TRMT9B: variants seen among roughly 807,000 people sequenced by gnomAD.
TRMT9B encodes the protein tRNA methyltransferase 9B (putative), also known as probable tRNA methyltransferase 9B.
TRMT9B carries 16 observed loss-of-function variants against 11.5 expected under a neutral mutation model. The ratio of observed to expected loss-of-function variants is 1.39; its 90% confidence interval spans 0.94 to 2.11. TRMT9B has a LOEUF of 2.11. TRMT9B is among the 30% of genes most tolerant of loss of function. The pLI, the probability that TRMT9B is intolerant of heterozygous loss-of-function variation, is 0.00. For missense variants in TRMT9B, 941 were observed against 553.8 expected, an observed-to-expected ratio of 1.70 and a Z score of -7.02; for synonymous variants, 274 against 192.4, an observed-to-expected ratio of 1.42 and a Z score of -3.51.
intron 2 of TRMT9B, among the ~76,000 whole-genome samples, chr8:13,003,080 G>A (rs1809766183): frequency 6.6e-6 from 1 of 152,142 alleles, no homozygotes; most frequent in Admixed American, 6.5e-5. Context: ...TGGGGACTCA[G>A]TATTAAATAA....
intron 1 of TRMT9B, among the ~76,000 whole-genome samples, chr8:12,984,116 T>C (rs1379797217): frequency 6.6e-6 from 1 of 152,166 alleles, no homozygotes; most frequent in Non-Finnish European, 1.5e-5. Flanking sequence ...TACACAAACT[T>C]TGCTTCATGC....
chr8:12,949,236 C>T (rs191590719), intron 1 of TRMT9B, among the ~76,000 whole-genome samples: 6 of 151,712 alleles, frequency 4.0e-5, no homozygotes, highest in Middle Eastern at 3.4e-3. Context: ...TTATGACTAC[C>T]GAGAGTAAAA....
At chr8:12,970,228 A>T (rs183109738) in intron 1 of TRMT9B, 13 of 152,332 alleles carry the variant, frequency 8.5e-5, no homozygotes, top group Middle Eastern at 3.4e-3. Context: ...GCTTGTAGAC[A>T]TCTGTTGTTA....
chr8:13,006,558 G>T, intron 3 of TRMT9B: 1 of 1,424,484 alleles, frequency 7.0e-7, no homozygotes. Flanking sequence ...TGTTCTAATA[G>T]GAATCCTGAA....
chr8:13,013,655 A>G (rs1262602061), intron 4 of TRMT9B, among the ~76,000 whole-genome samples: 1 of 152,212 alleles, frequency 6.6e-6, no homozygotes, highest in East Asian at 1.9e-4. Context: ...ATACACTCTT[A>G]AAAATCAACC....
chr8:12,995,761 A>C (rs2030430), intron 2 of TRMT9B, among the ~76,000 whole-genome samples: 1 of 151,986 alleles, frequency 6.6e-6, no homozygotes, highest in Admixed American at 6.6e-5. Context: ...TACCAATTAG[A>C]CCCAAGTCAT....
At chr8:13,018,974 T>C (rs746433729) in intron 4 of TRMT9B, among the ~76,000 whole-genome samples, 2 of 151,624 alleles carry the variant, frequency 1.3e-5, no homozygotes, top group African/African-American at 4.9e-5. Context: ...AGTATTAGAG[T>C]TGAAATAAGA....
intron 1 of TRMT9B, among the ~76,000 whole-genome samples, chr8:12,982,380 G>C (rs777943458): frequency 6.6e-6 from 1 of 152,138 alleles, no homozygotes; most frequent in Non-Finnish European, 1.5e-5. Flanking sequence ...ACATAATCAG[G>C]GTCAGACACG....
chr8:13,018,558 C>G (rs1813236979), intron 4 of TRMT9B, among the ~76,000 whole-genome samples: 1 of 152,022 alleles, frequency 6.6e-6, no homozygotes, highest in African/African-American at 2.4e-5. Context: ...AGTCAATTAT[C>G]ATTATCTACA....
chr8:12,973,889 G>C (rs576020465), intron 1 of TRMT9B, among the ~76,000 whole-genome samples: 1 of 152,310 alleles, frequency 6.6e-6, no homozygotes, highest in East Asian at 1.9e-4. Flanking sequence ...GCCATATGCG[G>C]TGGCTCATAC....
chr8:12,965,245 G>A (rs1401347737), intron 1 of TRMT9B, among the ~76,000 whole-genome samples: 5 of 152,220 alleles, frequency 3.3e-5, no homozygotes, highest in Non-Finnish European at 7.3e-5. Flanking sequence ...ATTGGTTTTT[G>A]TAGGTATTAA....
chr8:13,000,368 CTT>C (rs1333980910), intron 2 of TRMT9B, among the ~76,000 whole-genome samples: 1 of 152,202 alleles, frequency 6.6e-6, no homozygotes, highest in East Asian at 1.9e-4. Flanking sequence ...ATGTCCTTCT[CTT>C]TGTTTTTCTA....
intron 1 of TRMT9B, among the ~76,000 whole-genome samples, chr8:12,983,437 A>G (rs1160672896): frequency 6.6e-6 from 1 of 152,180 alleles, no homozygotes; most frequent in East Asian, 1.9e-4. Flanking sequence ...TGGGTGGCTG[A>G]GGAGGGCAGA....
At chr8:13,007,095 T>C (rs914628699) in intron 3 of TRMT9B, 2 of 152,426 alleles carry the variant, frequency 1.3e-5, no homozygotes, top group East Asian at 1.9e-4. Context: ...GTTGTAAATT[T>C]AAAGATATTC....
At position 13,023,638 on chromosome 8, in the gene TRMT9B, A is replaced by G. The variant is rs1264154322; in HGVS notation, c.*1594A>G. ...GGAGTACAGTCTCAAGTAGTTCATT[A>G]ATGAGAAAATTGACATCTGACAAGA... On this transcript the variant is annotated 3_prime_UTR_variant, in exon 5 of 5. Coordinates refer to ENST00000524591, the MANE Select transcript of TRMT9B (RefSeq NM_020844.3). 1 of 167,090 alleles carries G rather than the reference A, an allele frequency of 6.0e-6. No individual in the cohort carries two copies. Among genetic ancestry groups the G allele is most frequent in the African/African-American group, 2.4e-5 (1 of 41,458 alleles). The allele number at this position is 167,090 out of a possible 1,614,324, so 10.4% of individuals were successfully genotyped here. A position where few individuals can be genotyped will look rare whatever the true frequency, so the allele number is the denominator to read the frequency against.
intron 4 of TRMT9B, 144 bp from the exon 5 acceptor site, chr8:13,020,864 C>G (rs1385729314): frequency 1.8e-6 from 1 of 562,154 alleles, no homozygotes; most frequent in Non-Finnish European, 3.0e-6. Flanking sequence ...TGTGTTATTT[C>G]TGTCATCATC....
chr8:13,006,640 G>T (rs1810531476), intron 3 of TRMT9B: 2 of 1,353,270 alleles, frequency 1.5e-6, no homozygotes, highest in Non-Finnish European at 1.9e-6. Context: ...CAAGTCAGCA[G>T]CAAGTAAAAA....
intron 3 of TRMT9B, chr8:13,011,205 C>A (rs192336992): frequency 1.6e-6 from 1 of 633,680 alleles, no homozygotes; most frequent in Non-Finnish European, 2.0e-6. Flanking sequence ...AGACTGGTCT[C>A]GAACTCCTGC....
At chr8:12,971,102 C>T (rs369887721) in intron 1 of TRMT9B, among the ~76,000 whole-genome samples, 25 of 152,288 alleles carry the variant, frequency 1.6e-4, no homozygotes, top group African/African-American at 5.8e-4. Context: ...TCACCTCAAA[C>T]ATGTATCTTT....
Sources: gnomAD v4.1 joint callset for allele counts (sites outside exome capture counted in the v4.1 genomes callset) on GRCh38, gnomAD v4.1.1 for gene constraint, MANE v1.5 for transcripts, NCBI Gene and HGNC (gene_info 2026-07-23, HGNC 2026-07-21) for gene names.